Variants in NGEF observed in about 807,000 individuals in gnomAD.
NGEF encodes ephexin-1.
In NGEF, 31 loss-of-function variants were observed where a neutral mutation model predicts 80.9. The ratio of observed to expected loss-of-function variants is 0.38; its 90% CI spans 0.29 to 0.52. The LOEUF is 0.52. NGEF is among the 20% of genes least tolerant of loss of function. The pLI, the probability that NGEF is intolerant of heterozygous loss-of-function variation, is 0.84. For synonymous variants in NGEF, 371 were observed against 370.2 expected, an observed-to-expected ratio of 1.00 and a Z score of -0.03; for missense variants, 709 against 926.2, an observed-to-expected ratio of 0.77 and a Z score of 3.04.
At chr2:233,000,620 C>T (rs577210223) in intron 1 of NGEF, among the ~76,000 whole-genome samples, 1 of 152,076 alleles carries the variant, frequency 6.6e-6, no homozygotes, top group African/African-American at 2.4e-5. Context: ...ATTAGCCGGG[C>T]GTGGTGGCGG....
chr2:232,973,649 C>A (rs902812023), intron 2 of NGEF, among the ~76,000 whole-genome samples: 20 of 152,170 alleles, frequency 1.3e-4, no homozygotes, highest in Non-Finnish European at 2.9e-4. Context: ...GCAGGCAGTC[C>A]CAGTTCACAG....
At chr2:232,959,875 G>A (rs1200106280) in intron 3 of NGEF, among the ~76,000 whole-genome samples, 2 of 152,206 alleles carry the variant, frequency 1.3e-5, no homozygotes, top group Non-Finnish European at 2.9e-5. Flanking sequence ...CACCGCCCTG[G>A]GTAACAATGG....
chr2:233,003,533 A>G (rs1054044696), intron 1 of NGEF, among the ~76,000 whole-genome samples: 5 of 151,568 alleles, frequency 3.3e-5, no homozygotes, highest in Non-Finnish European at 7.4e-5. Context: ...TTCCTGGAGG[A>G]CTCAGTCCCA....
intron 5 of NGEF, among the ~76,000 whole-genome samples, chr2:232,906,090 T>A (rs866337764): frequency 1.3e-5 from 1 of 75,072 alleles, no homozygotes. Context: ...GCCCCCCGCC[T>A]GGTCAGCCGT....
chr2:232,939,306 TAGTG>T (rs1559216286), intron 3 of NGEF, among the ~76,000 whole-genome samples: 1 of 152,096 alleles, frequency 6.6e-6, no homozygotes, highest in Admixed American at 6.5e-5. Context: ...AGTTCCATAT[TAGTG>T]AGACCAATTT....
Position 232,974,961 on chromosome 2 carries a change from AG to A in NGEF, c.-72del. ...GACTTTCCCAAGCTTCACTGGTTTGAGTGCTTTAGAATAGATAGAAAACAAT... is the reference window on the plus strand; with the variant it reads ...GACTTTCCCAAGCTTCACTGGTTTGATGCTTTAGAATAGATAGAAAACAAT... On this transcript the variant is annotated splice_region_variant and 5_prime_UTR_variant, in exon 2 of 15. It removes the in-frame stop codon of an upstream open reading frame in the 5' UTR. Coordinates refer to ENST00000264051, the MANE Select transcript of NGEF (RefSeq NM_019850.3). 1 of 1,510,308 alleles carries A rather than the reference AG, an allele frequency of 6.6e-7. No individual in the cohort carries two copies. Among genetic ancestry groups the A allele is most frequent in the South Asian group, 1.3e-5 (1 of 78,940 alleles). 93.6% of individuals were successfully genotyped at this position (1,510,308 alleles called of 1,614,324 possible).
chr2:232,973,186 A>G (rs10933420), intron 2 of NGEF, among the ~76,000 whole-genome samples: 67,432 of 152,068 alleles, frequency 0.44, 15,581 homozygotes, highest in African/African-American at 0.49. Context: ...GCTTGCATTA[A>G]AATGACATCA....
At position 232,879,291 on chromosome 2, in the gene NGEF, G is replaced by A. The variant is rs1691404612; in HGVS notation, c.*198C>T. 1.8e-6 allele frequency: 1 copy of A among 559,764 alleles called. No individual in the cohort carries two copies. Among genetic ancestry groups the A allele is most frequent in the African/African-American group, 1.9e-5 (1 of 53,470 alleles). 34.7% of individuals were successfully genotyped at this position (559,764 alleles called of 1,614,324 possible). ...TACAAATGCATCAGGAGAGGCTTGG[G>A]CACCCTTTATCCAGTTTGCGAGCAA... On this transcript the variant is annotated 3_prime_UTR_variant, in exon 15 of 15. Coordinates refer to ENST00000264051, the MANE Select transcript of NGEF (RefSeq NM_019850.3).
intron 4 of NGEF, among the ~76,000 whole-genome samples, chr2:232,923,263 A>G (rs1199736972): frequency 6.6e-6 from 1 of 152,186 alleles, no homozygotes; most frequent in East Asian, 1.9e-4. Context: ...AGACAAAAAT[A>G]TCAGCATTGT....
intron 3 of NGEF, among the ~76,000 whole-genome samples, chr2:232,933,336 T>C (rs1693257864): frequency 6.6e-6 from 1 of 151,846 alleles, no homozygotes; most frequent in South Asian, 2.1e-4. Flanking sequence ...CCAGCTCCCC[T>C]CTCCAGCAGC....
chr2:232,907,174 GAAAAGAAAA>G (rs1287123093), intron 5 of NGEF, among the ~76,000 whole-genome samples: 6 of 33,064 alleles, frequency 1.8e-4, no homozygotes, highest in East Asian at 1.8e-3. Flanking sequence ...AAAAAAAAAA[GAAAAGAAAA>G]AAAAGAAAAA....
chr2:233,006,006 G>A (rs902638640), intron 1 of NGEF, among the ~76,000 whole-genome samples: 1 of 152,108 alleles, frequency 6.6e-6, no homozygotes, highest in African/African-American at 2.4e-5. Flanking sequence ...TTGTAGAGAC[G>A]GGGTTTTGTA....
chr2:232,968,629 C>G (rs559654255), intron 3 of NGEF, among the ~76,000 whole-genome samples: 5 of 151,962 alleles, frequency 3.3e-5, no homozygotes, highest in African/African-American at 1.2e-4. Flanking sequence ...TGGTCTCGAA[C>G]TCCTGACCTC....
intron 8 of NGEF, chr2:232,890,909 G>A (rs550673549): frequency 1.1e-5 from 5 of 471,344 alleles, no homozygotes; most frequent in Admixed American, 4.7e-5. Flanking sequence ...TCCCGAGATC[G>A]CTGCTGGCCT....
chr2:232,987,341 T>C (rs536296491), intron 1 of NGEF, among the ~76,000 whole-genome samples: 1 of 152,274 alleles, frequency 6.6e-6, no homozygotes. Flanking sequence ...TTTGATGTTC[T>C]GGAATTGCTG....
At chr2:232,896,632 G>GGT (rs1169104910) in intron 5 of NGEF, among the ~76,000 whole-genome samples, 1 of 64,358 alleles carries the variant, frequency 1.6e-5, no homozygotes, top group African/African-American at 7.1e-5. Flanking sequence ...GAGGGTAGGA[G>GGT]TGGGGGTGAG....
At chr2:232,955,230 G>A (rs1693797087) in intron 3 of NGEF, among the ~76,000 whole-genome samples, 1 of 152,150 alleles carries the variant, frequency 6.6e-6, no homozygotes, top group Non-Finnish European at 1.5e-5. Context: ...TGAGCCGTTG[G>A]AGGGTCAGCT....
chr2:233,007,121 G>A (rs1377831659), intron 1 of NGEF, among the ~76,000 whole-genome samples: 3 of 152,114 alleles, frequency 2.0e-5, no homozygotes, highest in Admixed American at 1.3e-4. Context: ...GCACACATCT[G>A]TGGTCTCAGC....
chr2:232,995,870 TA>T (rs907559161), intron 1 of NGEF, among the ~76,000 whole-genome samples: 1 of 150,726 alleles, frequency 6.6e-6, no homozygotes, highest in Non-Finnish European at 1.5e-5. Context: ...TATACACATA[TA>T]ATACATACAC....
Sources: gnomAD v4.1 joint callset for allele counts (sites outside exome capture counted in the v4.1 genomes callset) on GRCh38, gnomAD v4.1.1 for gene constraint, MANE v1.5 for transcripts, NCBI Gene and HGNC (gene_info 2026-07-23, HGNC 2026-07-21) for gene names.